Variants in LATS2 observed in about 807,000 individuals in gnomAD.
LATS2 encodes the protein serine/threonine-protein kinase LATS2.
Under a neutral mutation model 76.0 loss-of-function variants are expected in LATS2, and 24 were observed. The observed-to-expected ratio is 0.32, with a 90% CI of 0.23 to 0.44. The LOEUF (loss-of-function observed/expected upper bound fraction) is 0.44, where lower values mean the gene tolerates loss of function less well. Among genes scored for constraint, LATS2 ranks in the 20% least tolerant of loss-of-function variants. The pLI is 1.00. For synonymous variants in LATS2, 692 were observed against 635.4 expected, an observed-to-expected ratio of 1.09 and a Z score of -1.34; for missense variants, 1,286 against 1,481.2, an observed-to-expected ratio of 0.87 and a Z score of 2.16.
intron 4 of LATS2, among the ~76,000 whole-genome samples, chr13:20,986,184 C>G (rs1870133784): frequency 6.6e-6 from 1 of 152,128 alleles, no homozygotes; most frequent in African/African-American, 2.4e-5. Flanking sequence ...TATAATCTCT[C>G]CCCAGTTAGA....
chr13:21,016,317 C>T (rs919879512), intron 2 of LATS2, among the ~76,000 whole-genome samples: 14 of 150,862 alleles, frequency 9.3e-5, no homozygotes, highest in African/African-American at 3.4e-4. Flanking sequence ...CAGACTCTTG[C>T]TCTGTCACCC....
At chr13:21,002,121 G>C (rs1024907829) in intron 2 of LATS2, among the ~76,000 whole-genome samples, 3 of 151,728 alleles carry the variant, frequency 2.0e-5, no homozygotes, top group African/African-American at 7.2e-5. Flanking sequence ...CACCATGTTA[G>C]CTAAGATGGT....
At chr13:21,019,013 T>C (rs1406198965) in intron 2 of LATS2, among the ~76,000 whole-genome samples, 2 of 152,178 alleles carry the variant, frequency 1.3e-5, no homozygotes, top group Non-Finnish European at 2.9e-5. Context: ...GCCCCTGTCC[T>C]GTAAATGGCC....
At chr13:20,984,009 C>T (rs1331416712) in intron 4 of LATS2, among the ~76,000 whole-genome samples, 3 of 152,242 alleles carry the variant, frequency 2.0e-5, no homozygotes, top group African/African-American at 4.8e-5. Context: ...CAGCTCACTG[C>T]AGCCTCCGCC....
At chr13:21,049,337 G>C (rs1873182043) in intron 1 of LATS2, among the ~76,000 whole-genome samples, 1 of 152,200 alleles carries the variant, frequency 6.6e-6, no homozygotes, top group African/African-American at 2.4e-5. Context: ...AGGGACAAGT[G>C]CAACACTTCT....
intron 2 of LATS2, among the ~76,000 whole-genome samples, chr13:21,025,283 T>C (rs1422337159): frequency 6.8e-6 from 1 of 147,436 alleles, no homozygotes. Flanking sequence ...TCCCAGCTAC[T>C]AGGGAGGCTG....
chr13:20,986,051 A>C (rs1034142951), intron 4 of LATS2, among the ~76,000 whole-genome samples: 5 of 152,238 alleles, frequency 3.3e-5, no homozygotes, highest in African/African-American at 1.2e-4. Context: ...TCTCAAAAAG[A>C]AAAAAAAGTG....
At chr13:21,043,616 G>C (rs1159408724) in intron 2 of LATS2, among the ~76,000 whole-genome samples, 2 of 152,152 alleles carry the variant, frequency 1.3e-5, no homozygotes, top group African/African-American at 4.8e-5. Flanking sequence ...GTAAATGGAG[G>C]CCTTTCTGCT....
At position 20,973,334 on chromosome 13, in the gene LATS2, T is replaced by C; in HGVS notation, c.*1536A>G. The C allele has an allele frequency of 4.3e-6, 1 of 231,336 alleles. No individual in the cohort carries two copies. 14.3% of individuals were successfully genotyped at this position (231,336 alleles called of 1,614,324 possible). ...TTCTAAGTGTTGTTGCCTAGATATA[T>C]ACTAAGTAATGGATACATTATGCTA... On this transcript the variant is annotated 3_prime_UTR_variant, in exon 8 of 8. Transcript: ENST00000382592.
chr13:21,019,668 CAAAA>C (rs1281059777), intron 2 of LATS2, among the ~76,000 whole-genome samples: 141 of 86,616 alleles, frequency 1.6e-3, no homozygotes, highest in African/African-American at 5.9e-3. Context: ...TTTAATCTCT[CAAAA>C]AAAAAAAAAA....
chr13:20,999,540 C>T lies in LATS2; in HGVS notation c.343-8136G>A, dbSNP rs1386965287. Among the ~76,000 whole-genome samples, 3 of 151,980 alleles carry T rather than the reference C, an allele frequency of 2.0e-5. No individual in the cohort carries two copies. In the East Asian group the frequency reaches 5.8e-4, roughly 29 times the overall value. ...CTGGAGTACAGTGGCTCGATCAGGG[C>T]TCATTGCAGCCTGGCACTGCCCGGC... is the stretch of plus-strand genomic sequence containing the variant. On this transcript the variant is annotated intron_variant, in intron 2 of 7. Transcript: ENST00000382592.
chr13:21,001,375 T>C (rs566008052), intron 2 of LATS2, among the ~76,000 whole-genome samples: 3 of 152,344 alleles, frequency 2.0e-5, no homozygotes, highest in South Asian at 2.1e-4. Context: ...CATCCCTGTA[T>C]GTACGGGCTG....
At chr13:21,050,035 C>T (rs1177336556) in intron 1 of LATS2, among the ~76,000 whole-genome samples, 1 of 151,786 alleles carries the variant, frequency 6.6e-6, no homozygotes, top group African/African-American at 2.4e-5. Context: ...CAGGAGAATC[C>T]CTTGAATCCA....
chr13:20,989,263 A>G lies in LATS2; in HGVS notation c.517T>C (p.Phe173Leu), dbSNP rs749005656. Residue 173 changes from phenylalanine (F) to leucine (L), a missense_variant, in exon 4 of 8, where the codon TTC becomes CTC. Physicochemically the swap from Phe to Leu is conservative, Grantham distance 22. This residue lies in a region of LATS2 where 710 missense variants were observed against 660.9 expected (regional missense o/e 1.07). Transcript: ENST00000382592. ...GCAAACGAATCGCCGGTTCCTTCGA[A>G]GCTGGGCCTCCGCGTCACTGGGGTT... ...MPTPVTRRPS[F>L]EGTGDSFASY... The G allele has an allele frequency of 2.5e-6, 4 of 1,613,990 alleles. No individual in the cohort carries two copies. The highest frequency in any genetic ancestry group is 3.4e-6 in the Non-Finnish European group (4 of 1,180,018).
At chr13:20,983,836 A>C (rs2138276215) in intron 4 of LATS2, 30 bp from the exon 5 acceptor site, 1 of 1,550,906 alleles carries the variant, frequency 6.4e-7, no homozygotes, top group Non-Finnish European at 8.8e-7. Context: ...AGGAGGAAGA[A>C]TCACATTAGA....
chr13:21,050,397 C>T (rs143287640), intron 1 of LATS2, among the ~76,000 whole-genome samples: 2 of 152,156 alleles, frequency 1.3e-5, no homozygotes, highest in African/African-American at 4.8e-5. Context: ...GGGGAACCAC[C>T]TTCATGTCAT....
At chr13:21,041,968 C>A (rs1595253201) in intron 2 of LATS2, among the ~76,000 whole-genome samples, 1 of 152,192 alleles carries the variant, frequency 6.6e-6, no homozygotes, top group East Asian at 1.9e-4. Context: ...TCCCAGGCTT[C>A]CGCAGAACAG....
Position 20,991,511 on chromosome 13 carries a change from G to C in LATS2, c.343-107C>G. 7.8e-7 allele frequency: 1 copy of C among 1,287,932 alleles called. No homozygotes were observed. The highest frequency in any genetic ancestry group is 1.1e-6 in the Non-Finnish European group (1 of 916,610). The allele number at this position is 1,287,932 out of a possible 1,614,324, so 79.8% of individuals were successfully genotyped here. On this transcript the variant is annotated intron_variant, in intron 2 of 7. Transcript: ENST00000382592. This position sits in a 1 kb window ranked among gnomAD's most constrained non-coding sequence, Gnocchi z 4.9. ...GACTGTGCTGGGACACTTCGCCTCT[G>C]TACTGCTGAGAACCTGCGATATGCT... is the stretch of plus-strand genomic sequence containing the variant.
At chr13:21,016,845 C>G (rs1871819267) in intron 2 of LATS2, among the ~76,000 whole-genome samples, 1 of 152,248 alleles carries the variant, frequency 6.6e-6, no homozygotes, top group African/African-American at 2.4e-5. Context: ...AACTAACTCT[C>G]TTTATCACGG....
Sources: gnomAD v4.1 joint callset for allele counts (sites outside exome capture counted in the v4.1 genomes callset) on GRCh38, gnomAD v4.1.1 for gene constraint, gnomAD v4.1.1 regional missense constraint, Gnocchi (gnomAD v3.1) non-coding constraint, MANE v1.5 for transcripts, NCBI Gene and HGNC (gene_info 2026-07-23, HGNC 2026-07-21) for gene names.